The following TGFB2 variants were observed in gnomAD, a reference collection of about 807,000 sequenced individuals.
TGFB2 encodes transforming growth factor beta 2, also known as transforming growth factor beta-2 proprotein.
TGFB2 carries 13 observed loss-of-function variants against 42.7 expected under a neutral mutation model. That is an observed-to-expected ratio of 0.30 (90% confidence interval 0.20 to 0.48). The LOEUF is 0.48. Among genes scored for constraint, TGFB2 ranks in the 20% least tolerant of loss-of-function variants. TGFB2 has a pLI of 0.99. For synonymous variants in TGFB2, 193 were observed against 193.6 expected (o/e 1.00, Z 0.03); for missense variants, 390 against 517.5 (o/e 0.75, Z 2.39).
In TGFB2 at chr1:218,434,065, C is replaced by T; in HGVS notation, c.511-17C>T. On this transcript the variant is annotated splice_polypyrimidine_tract_variant and intron_variant, in intron 2 of 6. Coordinates refer to ENST00000366930, the MANE Select transcript of TGFB2 (RefSeq NM_003238.6). ...AATGCCAACTCAGCCTTTTCTCTTG[C>T]TCTTTTTCCCCTCCAGATTCTCAAG... 1 of 1,612,342 alleles carries T rather than the reference C, an allele frequency of 6.2e-7. No homozygotes were observed.
intron 1 of TGFB2, among the ~76,000 whole-genome samples, chr1:218,391,723 T>C (rs924636774): frequency 2.8e-4 from 42 of 152,192 alleles, no homozygotes; most frequent in African/African-American, 9.9e-4. Context: ...CAAAACTGTT[T>C]GTGTGGAAAA....
intron 1 of TGFB2, among the ~76,000 whole-genome samples, chr1:218,390,574 A>G (rs1658287902): frequency 6.6e-6 from 1 of 152,198 alleles, no homozygotes; most frequent in Non-Finnish European, 1.5e-5. Context: ...GCTCTCAGCT[A>G]GTTCAATTGA....
chr1:218,384,163 G>C (rs1658054699), intron 1 of TGFB2, among the ~76,000 whole-genome samples: 1 of 152,028 alleles, frequency 6.6e-6, no homozygotes. Context: ...TATTTTGAAT[G>C]CATTGGTTAT....
chr1:218,444,546 C>T lies in TGFB2; in HGVS notation c.*3184C>T, dbSNP rs1660259625. The stretch of plus-strand genomic sequence containing the variant: ...CTCCAATTTTTTTGGCTGCTACCTA[C>T]AAGACCAGACTCCTCAAACGAGTTG... On this transcript the variant is annotated 3_prime_UTR_variant, in exon 7 of 7. Coordinates refer to ENST00000366930, the MANE Select transcript of TGFB2 (RefSeq NM_003238.6). 6.6e-6 allele frequency: 1 copy of T among 152,132 alleles called. No homozygotes were observed. Among genetic ancestry groups the T allele is most frequent in the Admixed American group, 6.5e-5 (1 of 15,276 alleles). The allele number at this position is 152,132 out of a possible 1,614,324, so 9.4% of individuals were successfully genotyped here. A position where few individuals can be genotyped will look rare whatever the true frequency, so the allele number is the denominator to read the frequency against.
chr1:218,444,350 AG>A lies in TGFB2; in HGVS notation c.*2989del, dbSNP rs1233712518. On this transcript the variant is annotated 3_prime_UTR_variant, in exon 7 of 7. Transcript: ENST00000366930. ...ATGTTCTGCCAACGCCAGGGCCAAAAGAACTGGTCTAGACAGTATCCCCTGT... is the reference window on the plus strand; with the variant it reads ...ATGTTCTGCCAACGCCAGGGCCAAAAAACTGGTCTAGACAGTATCCCCTGT... 6.6e-6 allele frequency: 1 copy of A among 152,188 alleles called. No homozygotes were observed. The highest frequency in any genetic ancestry group is 1.5e-5 in the Non-Finnish European group (1 of 68,042). The allele number at this position is 152,188 out of a possible 1,614,324, so 9.4% of individuals were successfully genotyped here.
At chr1:218,440,840 G>A (rs1252491495) in intron 6 of TGFB2, among the ~76,000 whole-genome samples, 1 of 152,116 alleles carries the variant, frequency 6.6e-6, no homozygotes, top group Non-Finnish European at 1.5e-5. Context: ...AAGACCAAAT[G>A]CTATAAGGAT....
chr1:218,394,942 G>T (rs1301230438), intron 1 of TGFB2, among the ~76,000 whole-genome samples: 1 of 152,072 alleles, frequency 6.6e-6, no homozygotes, highest in East Asian at 1.9e-4. Flanking sequence ...TGGGTTGCTT[G>T]TCTTGCCACA....
At chr1:218,434,288 A>G (rs758737389) in intron 3 of TGFB2, 50 bp from the exon 4 acceptor site, 1 of 1,611,818 alleles carries the variant, frequency 6.2e-7, no homozygotes, top group South Asian at 1.1e-5. Context: ...TTGCAGATTT[A>G]AGGGTATAGA....
intron 2 of TGFB2, among the ~76,000 whole-genome samples, chr1:218,415,674 G>C (rs565044375): frequency 2.2e-4 from 27 of 124,068 alleles, no homozygotes; most frequent in African/African-American, 7.8e-4. Context: ...CAGCCTGGGC[G>C]ACAGAGCGAG....
rs78466870 is a variant in TGFB2 at position 218,366,613 on chromosome 1, G to A, written c.346+19566G>A. 2.6e-4 allele frequency among the ~76,000 whole-genome samples: 39 copies of A among 152,278 alleles called. No homozygotes were observed. The Middle Eastern group carries it at 0.02, about 80-fold the overall frequency. Reference sequence around the variant, plus strand: ...AGACATGAGCCACTGCGCCTGACCCGAGGTGGTGTTTCTCAAAGTGTGATA... The same window carrying A: ...AGACATGAGCCACTGCGCCTGACCCAAGGTGGTGTTTCTCAAAGTGTGATA... On this transcript the variant is annotated intron_variant, in intron 1 of 6. Coordinates refer to ENST00000366930, the MANE Select transcript of TGFB2 (RefSeq NM_003238.6).
intron 1 of TGFB2, among the ~76,000 whole-genome samples, chr1:218,372,633 G>A (rs1657607417): frequency 6.6e-6 from 1 of 152,194 alleles, no homozygotes; most frequent in African/African-American, 2.4e-5. Flanking sequence ...CCTACTAGGT[G>A]CACTGGTACC....
At chr1:218,363,449 T>C (rs559681791) in intron 1 of TGFB2, 6 of 1,589,626 alleles carry the variant, frequency 3.8e-6, no homozygotes, top group Non-Finnish European at 5.2e-6. Flanking sequence ...ATTCCTCGTT[T>C]GACATAGTTA....
In TGFB2 at chr1:218,441,468, C is replaced by T. The variant is rs1009289227; in HGVS notation, c.*106C>T. 39 of 1,293,324 alleles carry T rather than the reference C, an allele frequency of 3.0e-5. No homozygotes were observed. The highest frequency in any genetic ancestry group is 1.6e-4 in the Admixed American group (5 of 32,008). 80.1% of individuals were successfully genotyped at this position (1,293,324 alleles called of 1,614,324 possible). A position where few individuals can be genotyped will look rare whatever the true frequency, so the allele number is the denominator to read the frequency against. Reference sequence around the variant, plus strand: ...AAGAAAACATAAGAGAGCCTTGGTTCATCAGTGTTAAAAAATTTTTGAAAA... The same window carrying T: ...AAGAAAACATAAGAGAGCCTTGGTTTATCAGTGTTAAAAAATTTTTGAAAA... On this transcript the variant is annotated 3_prime_UTR_variant, in exon 7 of 7. Coordinates refer to ENST00000366930, the MANE Select transcript of TGFB2 (RefSeq NM_003238.6).
At chr1:218,371,807 C>T (rs1295316072) in intron 1 of TGFB2, among the ~76,000 whole-genome samples, 2 of 152,218 alleles carry the variant, frequency 1.3e-5, no homozygotes. Context: ...TGTTTCTTAT[C>T]TGTCTTGTGC....
intron 1 of TGFB2, among the ~76,000 whole-genome samples, chr1:218,403,896 T>C (rs1658816077): frequency 6.6e-6 from 1 of 152,076 alleles, no homozygotes; most frequent in African/African-American, 2.4e-5. Context: ...TAGGAGATTT[T>C]GGAAGAAGAT....
At position 218,434,182 on chromosome 1, in the gene TGFB2, C is replaced by T. The variant is rs1659896577; in HGVS notation, c.611C>T (p.Thr204Ile). 4 of 1,614,184 alleles carry T rather than the reference C, an allele frequency of 2.5e-6. No individual in the cohort carries two copies. The highest frequency in any genetic ancestry group is 3.4e-6 in the Non-Finnish European group (4 of 1,180,016). Reference sequence around the variant, plus strand: ...GGCGAATGGCTCTCCTTCGATGTAACTGATGCTGTTCATGAATGGCTTCAC... The same window carrying T: ...GGCGAATGGCTCTCCTTCGATGTAATTGATGCTGTTCATGAATGGCTTCAC... Reference protein sequence around the residue: ...AEGEWLSFDVTDAVHEWLHHK... With the variant: ...AEGEWLSFDVIDAVHEWLHHK... The change falls in exon 3 of 7, where the codon ACT (threonine) becomes ATT (isoleucine). Residue 204 changes from threonine to isoleucine, a missense_variant. By Grantham distance (89) the Thr-to-Ile change is moderately conservative. Coordinates refer to ENST00000366930, the MANE Select transcript of TGFB2 (RefSeq NM_003238.6).
At chr1:218,367,013 A>G (rs936050853) in intron 1 of TGFB2, among the ~76,000 whole-genome samples, 1 of 152,182 alleles carries the variant, frequency 6.6e-6, no homozygotes, top group African/African-American at 2.4e-5. Flanking sequence ...AGTACCACAC[A>G]TACCCTCTGC....
At position 218,374,156 on chromosome 1, in the gene TGFB2, T is replaced by C. The variant is rs114439030; in HGVS notation, c.346+27109T>C. ...TAGGACAACTGTTTTGTTGTTGCTT[T>C]TGTTGTTGGCAGATTTGTAAATCAG... On this transcript the variant is annotated intron_variant, in intron 1 of 6. Transcript: ENST00000366930. Among the ~76,000 whole-genome samples, 658 of 152,336 alleles carry C rather than the reference T, an allele frequency of 4.3e-3. 4 individuals carry two copies. The highest frequency in any genetic ancestry group is 0.015 in the African/African-American group (606 of 41,570).
At chr1:218,425,949 A>G (rs1315363790) in intron 2 of TGFB2, among the ~76,000 whole-genome samples, 1 of 152,274 alleles carries the variant, frequency 6.6e-6, no homozygotes, top group Non-Finnish European at 1.5e-5. Context: ...TCATTTGTTC[A>G]TCACTACTTG....
Sources: allele counts gnomAD v4.1 joint callset (sites outside exome capture counted in the v4.1 genomes callset), GRCh38; gene constraint gnomAD v4.1.1; transcripts MANE v1.5; gene names NCBI Gene and HGNC (gene_info 2026-07-23, HGNC 2026-07-21).